UNC5A: variants seen among roughly 807,000 people sequenced by gnomAD.
The protein encoded by UNC5A is netrin receptor UNC5A.
A neutral mutation model predicts 87.4 loss-of-function variants in UNC5A; 20 were observed. The ratio of observed to expected loss-of-function variants is 0.23; its 90% CI spans 0.16 to 0.33. The LOEUF (loss-of-function observed/expected upper bound fraction) is 0.33, where lower values mean the gene tolerates loss of function less well. Among genes scored for constraint, UNC5A ranks in the 10% least tolerant of loss-of-function variants. UNC5A has a pLI of 1.00. For synonymous variants in UNC5A, 438 were observed against 482.3 expected (o/e 0.91, Z 1.20); for missense variants, 844 against 1,133.4 (o/e 0.74, Z 3.67).
chr5:176,839,873 G>C (rs116762274), intron 1 of UNC5A, among the ~76,000 whole-genome samples: 2,510 of 143,240 alleles, frequency 0.018, 31 homozygotes, highest in Non-Finnish European at 0.023. Flanking sequence ...CTGGAATGCA[G>C]TGGTAAGATC....
At chr5:176,829,996 T>C (rs1756960274) in intron 1 of UNC5A, among the ~76,000 whole-genome samples, 4 of 151,642 alleles carry the variant, frequency 2.6e-5, no homozygotes, top group African/African-American at 9.7e-5. Context: ...CACCTTGGCC[T>C]CCCGAGTAGC....
intron 13 of UNC5A, 130 bp from the exon 14 acceptor site, chr5:176,879,180 C>T (rs1758346323): frequency 1.7e-6 from 2 of 1,151,414 alleles, no homozygotes; most frequent in African/African-American, 1.6e-5. Flanking sequence ...ATGGGAGGTG[C>T]CCAGGAAGTA....
chr5:176,850,215 C>T (rs563676401), intron 1 of UNC5A, among the ~76,000 whole-genome samples: 19 of 152,260 alleles, frequency 1.2e-4, no homozygotes, highest in East Asian at 5.8e-4. Context: ...AGGAGGAAGT[C>T]GGGGTGTGAG....
At chr5:176,823,757 G>A (rs1301147135) in intron 1 of UNC5A, among the ~76,000 whole-genome samples, 1 of 150,650 alleles carries the variant, frequency 6.6e-6, no homozygotes, top group Non-Finnish European at 1.5e-5. Context: ...AAAGGGAAAG[G>A]ACGGCTGGAT....
rs1307031436 is a variant in UNC5A at position 176,878,546 on chromosome 5, C to T, written c.2091C>T (p.Val697=). 1 of 1,613,236 alleles carries T rather than the reference C, an allele frequency of 6.2e-7. No individual in the cohort carries two copies. Among genetic ancestry groups the T allele is most frequent in the South Asian group, 1.1e-5 (1 of 91,084 alleles). The change falls in exon 13 of 15, where the codon GTC becomes GTT. Residue 697 remains valine, a synonymous_variant. Coordinates refer to ENST00000329542, the MANE Select transcript of UNC5A (RefSeq NM_133369.3). Reference sequence around the variant, plus strand: ...ACTGCACCTTCACCCTGGAGCGTGTCAGCCCCAGCACTAGTGACCTGGCCT... The same window carrying T: ...ACTGCACCTTCACCCTGGAGCGTGTTAGCCCCAGCACTAGTGACCTGGCCT... ...YLHCTFTLER[V]SPSTSDLACK... is the part of the protein sequence containing the mutation.
At position 176,853,348 on chromosome 5, in the gene UNC5A, C is replaced by T. The variant is rs1043741780; in HGVS notation, c.71-9276C>T. On this transcript the variant is annotated intron_variant, in intron 1 of 14. Coordinates refer to ENST00000329542, the MANE Select transcript of UNC5A (RefSeq NM_133369.3). Reference sequence around the variant, plus strand: ...GACAGGCCTGGTCTGCAGGAGCTGGCGGGCAAGGGACCAGCGGTGCCCCTG... The same window carrying T: ...GACAGGCCTGGTCTGCAGGAGCTGGTGGGCAAGGGACCAGCGGTGCCCCTG... Among the ~76,000 whole-genome samples, 12 of 152,294 alleles carry T rather than the reference C, an allele frequency of 7.9e-5. No homozygotes were observed. In the East Asian group the frequency reaches 2.1e-3, roughly 27 times the overall value.
chr5:176,865,099 CCAGT>C lies in UNC5A; in HGVS notation c.292+2258_292+2261del, dbSNP rs1757940299. ...GGGGAAGCCATGAAATCTCACGTGC[CCAGT>C]CAGGACCCAGCACGGGGCCTTTCCT... On this transcript the variant is annotated intron_variant, in intron 2 of 14. Transcript: ENST00000329542. This position sits in a 1 kb window ranked among gnomAD's most constrained non-coding sequence, Gnocchi z 5.3. 3 of 330,254 alleles carry C rather than the reference CCAGT, an allele frequency of 9.1e-6. No homozygotes were observed. Among genetic ancestry groups the C allele is most frequent in the Admixed American group, 8.5e-5 (2 of 23,426 alleles). The allele number at this position is 330,254 out of a possible 1,614,324, so 20.5% of individuals were successfully genotyped here. A position where few individuals can be genotyped will look rare whatever the true frequency, so the allele number is the denominator to read the frequency against.
At chr5:176,832,702 A>G (rs569897616) in intron 1 of UNC5A, among the ~76,000 whole-genome samples, 1 of 152,314 alleles carries the variant, frequency 6.6e-6, no homozygotes, top group Non-Finnish European at 1.5e-5. Context: ...GAGCCATTCT[A>G]GGGATGGTAG....
chr5:176,823,176 G>T (rs372977882), intron 1 of UNC5A, among the ~76,000 whole-genome samples: 3 of 147,116 alleles, frequency 2.0e-5, no homozygotes, highest in Non-Finnish European at 3.0e-5. Context: ...TGCTGCATGT[G>T]GGGGGGCGAG....
At chr5:176,826,184 G>A (rs1289537586) in intron 1 of UNC5A, among the ~76,000 whole-genome samples, 1 of 152,234 alleles carries the variant, frequency 6.6e-6, no homozygotes, top group Admixed American at 6.5e-5. Context: ...ACATTTGCTA[G>A]GGTTAGCTGG....
At chr5:176,821,656 A>G (rs1272623304) in intron 1 of UNC5A, among the ~76,000 whole-genome samples, 1 of 152,210 alleles carries the variant, frequency 6.6e-6, no homozygotes, top group African/African-American at 2.4e-5. Context: ...CAAGCTACCA[A>G]TGTGATGTCA....
rs1362293423 is a variant in UNC5A, at chr5:176,848,177, C to T, written c.71-14447C>T. ...CCCCGCCTCATTTCCACGTTAGCAC[C>T]ACCGCCCCCCGCACCCAGATCCCTC... On this transcript the variant is annotated intron_variant, in intron 1 of 14. Coordinates refer to ENST00000329542, the MANE Select transcript of UNC5A (RefSeq NM_133369.3). This position sits in a 1 kb window ranked among gnomAD's most constrained non-coding sequence, Gnocchi z 5.8. Among the ~76,000 whole-genome samples, 1 of 152,108 alleles carries T rather than the reference C, an allele frequency of 6.6e-6. No homozygotes were observed. The highest frequency in any genetic ancestry group is 2.4e-5 in the African/African-American group (1 of 41,410).
Position 176,862,683 on chromosome 5 carries a change from C to T in UNC5A, c.130C>T (p.Pro44Ser), listed in dbSNP as rs779566487. The T allele has an allele frequency of 6.2e-7, 1 of 1,613,644 alleles. No individual in the cohort carries two copies. Among genetic ancestry groups the T allele is most frequent in the South Asian group, 1.1e-5 (1 of 91,086 alleles). Residue 44 changes from proline (P) to serine (S), a missense_variant, in exon 2 of 15, where the codon CCC (proline) becomes TCC (serine). Transcript: ENST00000329542. ...PVPGANPDLL[P>S]HFLVEPEDVY... is the part of the protein sequence containing the mutation. The stretch of plus-strand genomic sequence containing the variant: ...GCCTGGTGCCAACCCGGACCTGCTT[C>T]CCCACTTCCTGGTGGAGCCCGAGGA...
In UNC5A at chr5:176,870,415, T is replaced by G; in HGVS notation, c.767T>G (p.Leu256Arg). ...TGGAGCAAGTGGTCGGCCTGTGGGC[T>G]GGACTGCACCCACTGGCGGAGCCGT... is the stretch of plus-strand genomic sequence containing the variant. ...SPWSKWSACG[L>R]DCTHWRSREC... Residue 256 changes from leucine (L) to arginine (R), a missense_variant, in exon 6 of 15, where the codon CTG (leucine) becomes CGG (arginine). Coordinates refer to ENST00000329542, the MANE Select transcript of UNC5A (RefSeq NM_133369.3). 6.2e-7 allele frequency: 1 copy of G among 1,612,222 alleles called. No individual in the cohort carries two copies. The highest frequency in any genetic ancestry group is 8.5e-7 in the Non-Finnish European group (1 of 1,179,588).
At chr5:176,862,541 A>G in intron 1 of UNC5A, 83 bp from the exon 2 acceptor site, 1 of 1,325,648 alleles carries the variant, frequency 7.5e-7, no homozygotes, top group South Asian at 1.2e-5. Flanking sequence ...GCCCCAACCC[A>G]CGGTGGAATC....
chr5:176,876,928 C>T (rs923053516), intron 8 of UNC5A, among the ~76,000 whole-genome samples: 5 of 152,208 alleles, frequency 3.3e-5, no homozygotes, highest in African/African-American at 1.2e-4. Context: ...GTACCGCATA[C>T]CTTCTGTCCC....
Position 176,868,680 on chromosome 5 carries a change from G to A in UNC5A, c.540+16G>A, listed in dbSNP as rs1485691227. ...TCCAGCCGAGGTGAGGGCTCCTCTA[G>A]TGCCCACGTCTGGACCTGGGCTCCT... On this transcript the variant is annotated intron_variant, in intron 4 of 14. Transcript: ENST00000329542. The A allele has an allele frequency of 4.4e-6, 7 of 1,602,378 alleles. No individual in the cohort carries two copies. Among genetic ancestry groups the A allele is most frequent in the Non-Finnish European group, 2.6e-6 (3 of 1,173,334 alleles).
intron 1 of UNC5A, among the ~76,000 whole-genome samples, chr5:176,839,520 T>G (rs1757221567): frequency 6.6e-6 from 1 of 152,232 alleles, no homozygotes. Context: ...GTCTGGACAG[T>G]CTCAGGCTGT....
chr5:176,829,560 A>AGATG (rs111829154), intron 1 of UNC5A, among the ~76,000 whole-genome samples: 1,965 of 111,764 alleles, frequency 0.018, 46 homozygotes, highest in African/African-American at 0.062. Context: ...GACGTATGAA[A>AGATG]GATGGATGGA....
Sources: allele counts gnomAD v4.1 joint callset (sites outside exome capture counted in the v4.1 genomes callset), GRCh38; gene constraint gnomAD v4.1.1; non-coding constraint Gnocchi (gnomAD v3.1); transcripts MANE v1.5; gene names NCBI Gene and HGNC (gene_info 2026-07-23, HGNC 2026-07-21).